Variants in USH2A observed in about 807,000 individuals in gnomAD.
The protein encoded by USH2A is usherin.
USH2A carries 443 observed loss-of-function variants against 538.9 expected under a neutral mutation model. The observed-to-expected ratio is 0.82, with a 90% CI of 0.76 to 0.89. The LOEUF (loss-of-function observed/expected upper bound fraction) is 0.89. Among genes scored for constraint, USH2A ranks in the 40% least tolerant of loss-of-function variants. USH2A has a pLI of 0.00. For synonymous variants in USH2A, 2,413 were observed against 2,273.5 expected (o/e 1.06, Z -1.75); for missense variants, 6,633 against 6,324.8 (o/e 1.05, Z -1.65).
chr1:216,152,914 A>G (rs540800506), intron 21 of USH2A, among the ~76,000 whole-genome samples: 19 of 152,318 alleles, frequency 1.2e-4, no homozygotes, highest in Admixed American at 3.9e-4. Flanking sequence ...AGGCTCCATG[A>G]GCAGAAGAGC....
intron 21 of USH2A, among the ~76,000 whole-genome samples, chr1:216,120,661 G>A (rs1046800031): frequency 2.6e-5 from 4 of 151,846 alleles, no homozygotes; most frequent in African/African-American, 9.7e-5. Flanking sequence ...CCACAAGGGC[G>A]AGCCACCGCA....
At chr1:215,756,829 C>G (rs896926549) in intron 58 of USH2A, among the ~76,000 whole-genome samples, 1 of 152,028 alleles carries the variant, frequency 6.6e-6, no homozygotes, top group African/African-American at 2.4e-5. Flanking sequence ...GAGGCTGAGG[C>G]TTGAACCTGG....
intron 58 of USH2A, among the ~76,000 whole-genome samples, chr1:215,747,565 T>C (rs1330660568): frequency 1.3e-5 from 2 of 152,180 alleles, no homozygotes; most frequent in African/African-American, 2.4e-5. Context: ...ATTTAAGTAC[T>C]GTGCCAGAGG....
At chr1:215,713,473 A>G (rs947193401) in intron 61 of USH2A, among the ~76,000 whole-genome samples, 1 of 152,146 alleles carries the variant, frequency 6.6e-6, no homozygotes, top group Non-Finnish European at 1.5e-5. Context: ...TTGTTTTAAT[A>G]TCAGCCCAAT....
At position 216,323,464 on chromosome 1, in the gene USH2A, A is replaced by G. The variant is rs200728788; in HGVS notation, c.1550+10T>C. The G allele has an allele frequency of 5.8e-5, 93 of 1,613,054 alleles. No homozygotes were observed. The African/African-American group carries it at 1.1e-3, about 20-fold the overall frequency. ...AAAAACCTTGTTGAAAACAAAATTCATAATAATACCTCCCACTAATGGTGA... is the reference window on the plus strand; with the variant it reads ...AAAAACCTTGTTGAAAACAAAATTCGTAATAATACCTCCCACTAATGGTGA... On this transcript the variant is annotated intron_variant, in intron 8 of 71. Transcript: ENST00000307340.
At chr1:216,351,589 C>A (rs1312377286) in intron 4 of USH2A, among the ~76,000 whole-genome samples, 1 of 152,290 alleles carries the variant, frequency 6.6e-6, no homozygotes, top group Non-Finnish European at 1.5e-5. Flanking sequence ...GTGGTTTTCA[C>A]TCTGGTAAAA....
intron 3 of USH2A, among the ~76,000 whole-genome samples, chr1:216,387,578 G>A (rs1055854446): frequency 1.3e-5 from 2 of 152,156 alleles, no homozygotes; most frequent in Non-Finnish European, 2.9e-5. Context: ...CTTTAATACA[G>A]TACATTGTCT....
At chr1:215,734,299 C>T (rs922171170) in intron 60 of USH2A, among the ~76,000 whole-genome samples, 8 of 152,136 alleles carry the variant, frequency 5.3e-5, no homozygotes, top group African/African-American at 9.7e-5. Flanking sequence ...GGGAACAGTT[C>T]GCAAGCCTGC....
chr1:216,046,313 TA>T, intron 32 of USH2A, 117 bp downstream of exon 32: 1 of 1,092,184 alleles, frequency 9.2e-7, no homozygotes, highest in Non-Finnish European at 1.4e-6. Context: ...ACATATTTCC[TA>T]AGCATTCTTG....
At chr1:216,328,556 C>A (rs1413822413) in intron 4 of USH2A, among the ~76,000 whole-genome samples, 1 of 151,694 alleles carries the variant, frequency 6.6e-6, no homozygotes, top group Non-Finnish European at 1.5e-5. Context: ...GACCATTTTC[C>A]CAATGTGTTT....
At chr1:215,876,345 A>T (rs2102449409) in intron 43 of USH2A, among the ~76,000 whole-genome samples, 1 of 152,330 alleles carries the variant, frequency 6.6e-6, no homozygotes. Flanking sequence ...TCTTACAAGA[A>T]CTAGGATGTT....
At chr1:215,854,343 A>G in intron 44 of USH2A, among the ~76,000 whole-genome samples, 1 of 152,198 alleles carries the variant, frequency 6.6e-6, no homozygotes, top group East Asian at 1.9e-4. Context: ...ACATGTGGGC[A>G]TTATGGGAGC....
intron 47 of USH2A, among the ~76,000 whole-genome samples, chr1:215,836,469 T>A (rs11120656): frequency 9.8e-5 from 1 of 10,192 alleles, no homozygotes; most frequent in African/African-American, 2.7e-4. Flanking sequence ...ATATATTATA[T>A]ATATATATAT....
chr1:216,195,672 G>A (rs1250361908), intron 19 of USH2A: 2 of 155,260 alleles, frequency 1.3e-5, no homozygotes, highest in Non-Finnish European at 2.9e-5. Flanking sequence ...TTCATGGAAA[G>A]AAAAATGTGG....
intron 37 of USH2A, among the ~76,000 whole-genome samples, chr1:215,950,768 C>T (rs1308969223): frequency 6.6e-6 from 1 of 152,040 alleles, no homozygotes; most frequent in African/African-American, 2.4e-5. Context: ...CCTCAGCCTC[C>T]CAAACTGCTG....
rs186858544 is a variant in USH2A, at chr1:216,021,999, T to C, written c.6326-21437A>G. On this transcript the variant is annotated intron_variant, in intron 32 of 71. Coordinates refer to ENST00000307340, the MANE Select transcript of USH2A (RefSeq NM_206933.4). ...TCTCACTCTTAGCTCCCACAAGAACTGGCTGTTGAAAAAGAGCCTGACACT... is the reference window on the plus strand; with the variant it reads ...TCTCACTCTTAGCTCCCACAAGAACCGGCTGTTGAAAAAGAGCCTGACACT... Among the ~76,000 whole-genome samples the C allele has an allele frequency of 3.4e-3, 510 of 152,214 alleles. 2 individuals carry two copies. The highest frequency in any genetic ancestry group is 0.011 in the African/African-American group (474 of 41,554).
At chr1:215,629,141 C>T in intron 70 of USH2A, 106 bp from the exon 71 acceptor site, 1 of 1,190,824 alleles carries the variant, frequency 8.4e-7, no homozygotes, top group Non-Finnish European at 1.2e-6. Flanking sequence ...TGACTGTCTC[C>T]TGACAATTGT....
intron 16 of USH2A, among the ~76,000 whole-genome samples, chr1:216,201,241 G>A (rs1173422460): frequency 6.6e-6 from 1 of 150,738 alleles, no homozygotes; most frequent in Non-Finnish European, 1.5e-5. Flanking sequence ...TCTGCCATTG[G>A]CCACAAAAGA....
chr1:216,388,820 TTTTTC>T (rs2039050970), intron 3 of USH2A, among the ~76,000 whole-genome samples: 1 of 152,248 alleles, frequency 6.6e-6, no homozygotes, highest in Non-Finnish European at 1.5e-5. Flanking sequence ...CTCCTGCTGC[TTTTTC>T]TGTGAGGAAT....
Sources: allele counts gnomAD v4.1 joint callset (sites outside exome capture counted in the v4.1 genomes callset), GRCh38; gene constraint gnomAD v4.1.1; transcripts MANE v1.5; gene names NCBI Gene and HGNC (gene_info 2026-07-23, HGNC 2026-07-21).